Variants in VPS13B observed in about 807,000 individuals in gnomAD.
VPS13B encodes intermembrane lipid transfer protein VPS13B.
Under a neutral mutation model 426.4 loss-of-function variants are expected in VPS13B, and 285 were observed. The observed-to-expected ratio is 0.67, with a 90% CI of 0.61 to 0.74. The LOEUF (loss-of-function observed/expected upper bound fraction) is 0.74. Ranked by LOEUF, VPS13B falls within the 30% of genes least tolerant of loss-of-function variation. VPS13B has a pLI of 0.00. For synonymous variants in VPS13B, 1,676 were observed against 1,676.4 expected (o/e 1.00, Z 0.01); for missense variants, 4,537 against 4,782.6 (o/e 0.95, Z 1.51).
At chr8:99,233,363 G>C in intron 17 of VPS13B, 2 of 1,067,094 alleles carry the variant, frequency 1.9e-6, no homozygotes, top group Non-Finnish European at 2.9e-6. Flanking sequence ...TCTTCTTTTA[G>C]TTTCCCGAAG....
chr8:99,818,975 A>AGGGGGGG, intron 47 of VPS13B, 87 bp downstream of exon 47: 5 of 133,526 alleles, frequency 3.7e-5, no homozygotes, highest in South Asian at 5.1e-5. Context: ...GCGGCGGGGG[A>AGGGGGGG]GGGGTGGGTA....
intron 49 of VPS13B, among the ~76,000 whole-genome samples, chr8:99,821,050 A>AT (rs1350387790): frequency 1.8e-5 from 1 of 54,258 alleles, no homozygotes; most frequent in Non-Finnish European, 3.7e-5. Flanking sequence ...CATTGTGAGT[A>AT]AAAAAAAAAA....
At chr8:99,047,558 C>A (rs1175859894) in intron 3 of VPS13B, among the ~76,000 whole-genome samples, 1 of 151,936 alleles carries the variant, frequency 6.6e-6, no homozygotes, top group African/African-American at 2.4e-5. Flanking sequence ...TATTTCCTTT[C>A]TTCTGCTGGC....
At chr8:99,451,301 ATTTC>A (rs1396763696) in intron 23 of VPS13B, among the ~76,000 whole-genome samples, 5 of 152,008 alleles carry the variant, frequency 3.3e-5, no homozygotes, top group African/African-American at 1.2e-4. Flanking sequence ...CTTTTTTTGT[ATTTC>A]TTTATTTTCC....
At chr8:99,556,692 C>A in intron 31 of VPS13B, 39 bp downstream of exon 31, 1 of 1,595,410 alleles carries the variant, frequency 6.3e-7, no homozygotes. Flanking sequence ...CTTTCTAATA[C>A]TTCATTGCCA....
At chr8:99,063,165 G>A (rs561278474) in intron 3 of VPS13B, among the ~76,000 whole-genome samples, 4 of 152,312 alleles carry the variant, frequency 2.6e-5, no homozygotes, top group South Asian at 2.1e-4. Context: ...CACAGAAGAC[G>A]GGTGATTTCT....
chr8:99,765,153 G>A (rs1811151052), intron 39 of VPS13B, among the ~76,000 whole-genome samples: 3 of 152,092 alleles, frequency 2.0e-5, no homozygotes, highest in Admixed American at 2.0e-4. Flanking sequence ...AGCTGAGGTG[G>A]GAGAATTGCT....
intron 19 of VPS13B, among the ~76,000 whole-genome samples, chr8:99,342,239 T>G (rs1423750102): frequency 6.6e-6 from 1 of 152,220 alleles, no homozygotes; most frequent in Non-Finnish European, 1.5e-5. Flanking sequence ...ACCTATCCTT[T>G]TTCATGGTGA....
At chr8:99,034,504 T>C (rs1842655764) in intron 2 of VPS13B, among the ~76,000 whole-genome samples, 1 of 151,944 alleles carries the variant, frequency 6.6e-6, no homozygotes, top group Non-Finnish European at 1.5e-5. Context: ...CTCTTTGTGG[T>C]TGCTTAGGGG....
intron 30 of VPS13B, among the ~76,000 whole-genome samples, chr8:99,523,323 G>A (rs1822475554): frequency 6.6e-6 from 1 of 152,188 alleles, no homozygotes; most frequent in South Asian, 2.1e-4. Context: ...AAGCCTGGTT[G>A]GCTTTTCTAT....
At chr8:99,557,799 G>T (rs1337768364) in intron 31 of VPS13B, among the ~76,000 whole-genome samples, 1 of 152,166 alleles carries the variant, frequency 6.6e-6, no homozygotes, top group Admixed American at 6.5e-5. Context: ...CAGGCTACTT[G>T]TGGTTCTCAT....
At chr8:99,163,525 A>G (rs975971761) in intron 15 of VPS13B, among the ~76,000 whole-genome samples, 5 of 152,224 alleles carry the variant, frequency 3.3e-5, no homozygotes, top group African/African-American at 4.8e-5. Flanking sequence ...GGCAGGCTGC[A>G]GGTCCCGAGC....
chr8:99,269,999 A>G (rs578218745), intron 17 of VPS13B, among the ~76,000 whole-genome samples: 11 of 151,942 alleles, frequency 7.2e-5, no homozygotes, highest in Non-Finnish European at 1.5e-4. Flanking sequence ...AAATTATGAC[A>G]TTATGTTCTT....
chr8:99,624,106 T>C (rs527284698), intron 33 of VPS13B, among the ~76,000 whole-genome samples: 7 of 148,254 alleles, frequency 4.7e-5, no homozygotes, highest in African/African-American at 1.7e-4. Flanking sequence ...TGTGGGTAGA[T>C]GGGATACAGA....
chr8:99,157,552 C>T (rs1325650747), intron 15 of VPS13B, among the ~76,000 whole-genome samples: 8 of 152,102 alleles, frequency 5.3e-5, no homozygotes, highest in Non-Finnish European at 1.5e-5. Flanking sequence ...CCTCCACTGA[C>T]CAGTTCCCCC....
At chr8:99,081,924 A>C (rs1845492490) in intron 3 of VPS13B, among the ~76,000 whole-genome samples, 1 of 152,088 alleles carries the variant, frequency 6.6e-6, no homozygotes. Flanking sequence ...ATAAACATAC[A>C]TGGGCATGTG....
intron 39 of VPS13B, among the ~76,000 whole-genome samples, chr8:99,745,364 CA>C (rs1471539291): frequency 2.6e-5 from 4 of 152,002 alleles, no homozygotes; most frequent in Admixed American, 6.6e-5. Flanking sequence ...TGAAAAATTT[CA>C]AATAAATAAT....
At chr8:99,122,517 C>A (rs925906127) in intron 8 of VPS13B, among the ~76,000 whole-genome samples, 5 of 152,052 alleles carry the variant, frequency 3.3e-5, no homozygotes, top group Non-Finnish European at 7.4e-5. Flanking sequence ...TAGCTTTGAT[C>A]CCCCATGTGT....
At position 99,720,865 on chromosome 8, in the gene VPS13B, T is replaced by C. The variant is rs1355121428; in HGVS notation, c.6868T>C (p.Ser2290Pro). ...GLFQYVQDAE[S>P]LKLPGVYEVL... ...TTAATTATACTTTTATTTGACAGAA[T>C]CTTTGAAATTGCCTGGGGTCTATGA... Residue 2290 changes from serine to proline, a missense_variant and splice_region_variant, in exon 39 of 62, where the codon TCT (serine) becomes CCT (proline). By Grantham distance (74) the Ser-to-Pro change is moderately conservative. Around this residue, in one of 2 missense-constraint regions of VPS13B, gnomAD observed 4,311 missense variants for 4,474.3 expected, o/e 0.96. Transcript: ENST00000357162. 4.3e-6 allele frequency: 7 copies of C among 1,612,502 alleles called. No individual in the cohort carries two copies. In the East Asian group the frequency reaches 1.6e-4, roughly 36 times the overall value.
Sources: allele counts gnomAD v4.1 joint callset (sites outside exome capture counted in the v4.1 genomes callset), GRCh38; gene constraint gnomAD v4.1.1; regional missense constraint gnomAD v4.1.1; transcripts MANE v1.5; gene names NCBI Gene and HGNC (gene_info 2026-07-23, HGNC 2026-07-21).